The following CFAP46 variants were observed in gnomAD, a reference collection of about 807,000 sequenced individuals.
The protein encoded by CFAP46 is cilia and flagella associated protein 46.
A neutral mutation model predicts 325.7 loss-of-function variants in CFAP46; 245 were observed. That is an observed-to-expected ratio of 0.75 (90% confidence interval 0.68 to 0.84). The LOEUF (loss-of-function observed/expected upper bound fraction) is 0.84. Ranked by LOEUF, CFAP46 falls within the 40% of genes least tolerant of loss-of-function variation. CFAP46 has a pLI of 0.00. For synonymous variants in CFAP46, 1,523 were observed against 1,495.9 expected (o/e 1.02, Z -0.42); for missense variants, 3,346 against 3,543.0 (o/e 0.94, Z 1.41).
intron 55 of CFAP46, among the ~76,000 whole-genome samples, chr10:132,812,375 C>T (rs1010675155): frequency 2.0e-5 from 3 of 152,142 alleles, no homozygotes; most frequent in African/African-American, 4.8e-5. Context: ...AAGGGGAAGG[C>T]GAGGTCCCGA....
intron 44 of CFAP46, 64 bp downstream of exon 44, chr10:132,845,993 T>A: frequency 6.6e-7 from 1 of 1,524,204 alleles, no homozygotes; most frequent in Admixed American, 1.8e-5. Context: ...ACTGTGCGGC[T>A]GCAGTGTCTG....
At chr10:132,918,743 G>A (rs1473221543) in intron 15 of CFAP46, among the ~76,000 whole-genome samples, 1 of 152,126 alleles carries the variant, frequency 6.6e-6, no homozygotes, top group Non-Finnish European at 1.5e-5. Context: ...TCCCAGCCAG[G>A]GCTTGCTCTT....
chr10:132,933,772 G>A (rs955541759), intron 8 of CFAP46, among the ~76,000 whole-genome samples: 5 of 152,258 alleles, frequency 3.3e-5, no homozygotes, highest in Non-Finnish European at 7.3e-5. Context: ...CACTGATGAA[G>A]CAAGCTGTCC....
chr10:132,885,673 G>T, intron 26 of CFAP46, 148 bp downstream of exon 26: 1 of 757,662 alleles, frequency 1.3e-6, no homozygotes, highest in Non-Finnish European at 2.1e-6. Context: ...CAGGTGGTGG[G>T]GGGAGCACAC....
In CFAP46 at chr10:132,857,770, C is replaced by G. The variant is rs1416141629; in HGVS notation, c.5394G>C (p.Glu1798Asp). The stretch of plus-strand genomic sequence containing the variant: ...ACGCAGTTTTTTGTTCTTCATCTTT[C>G]TCGTTCTGGGCACGTAACCTTTATA... ...AKIKRLRAQN[E>D]KDEEQKTAYY... The change falls in exon 39 of 58, where the codon GAG (glutamate) becomes GAC (aspartate). Residue 1798 changes from glutamate (E) to aspartate (D), a missense_variant. By Grantham distance (45) the Glu-to-Asp change is conservative. Coordinates refer to ENST00000368586, the MANE Select transcript of CFAP46 (RefSeq NM_001200049.3). 1 of 1,561,024 alleles carries G rather than the reference C, an allele frequency of 6.4e-7. No homozygotes were observed. Among genetic ancestry groups the G allele is most frequent in the South Asian group, 1.2e-5 (1 of 85,000 alleles).
chr10:132,906,292 C>T (rs575208436), intron 22 of CFAP46, among the ~76,000 whole-genome samples: 74 of 152,368 alleles, frequency 4.9e-4, no homozygotes, highest in African/African-American at 1.7e-3. Flanking sequence ...CTCACCCCTG[C>T]CAAGGCAGTG....
rs763160110 is a variant in CFAP46, at chr10:132,814,852, C to T, written c.7180G>A (p.Gly2394Ser). The T allele has an allele frequency of 2.0e-5, 32 of 1,614,092 alleles. No individual in the cohort carries two copies. The highest frequency in any genetic ancestry group is 2.7e-5 in the Non-Finnish European group (32 of 1,180,030). The change falls in exon 51 of 58, where the codon GGC becomes AGC. Residue 2394 changes from glycine to serine, a missense_variant. Physicochemically the swap from Gly to Ser is moderately conservative, Grantham distance 56 (BLOSUM62 0). Coordinates refer to ENST00000368586, the MANE Select transcript of CFAP46 (RefSeq NM_001200049.3). ...CACAGGCCCCCACCCACCTTCCTGC[C>T]CTTCTTCGCTAGGCTTCTCTTTTTG... is the stretch of plus-strand genomic sequence containing the variant. ...DPKKRSLAKK[G>S]RKGSIPRTIP...
intron 50 of CFAP46, among the ~76,000 whole-genome samples, chr10:132,816,776 T>C (rs538051760): frequency 3.0e-4 from 46 of 152,342 alleles, no homozygotes; most frequent in African/African-American, 1.0e-3. Flanking sequence ...GATCATTTCA[T>C]GTCTTCTGAG....
intron 47 of CFAP46, 95 bp downstream of exon 47, chr10:132,835,209 G>A (rs376817844): frequency 1.4e-5 from 21 of 1,518,234 alleles, no homozygotes; most frequent in South Asian, 8.7e-5. Flanking sequence ...CTGGCCTAGC[G>A]CCCCGCCCCT....
chr10:132,820,269 C>G (rs951564679), intron 50 of CFAP46, among the ~76,000 whole-genome samples: 1 of 150,534 alleles, frequency 6.6e-6, no homozygotes, highest in Non-Finnish European at 1.5e-5. Flanking sequence ...AGGCCAGAGG[C>G]TGCATGATTC....
intron 50 of CFAP46, among the ~76,000 whole-genome samples, chr10:132,825,911 C>CG (rs1017254939): frequency 2.0e-5 from 3 of 152,086 alleles, no homozygotes; most frequent in African/African-American, 7.2e-5. Flanking sequence ...TGTCTGGTAA[C>CG]GGGGGGTGGG....
At chr10:132,835,775 A>G (rs572678682) in intron 46 of CFAP46, among the ~76,000 whole-genome samples, 2 of 151,992 alleles carry the variant, frequency 1.3e-5, no homozygotes, top group Non-Finnish European at 2.9e-5. Context: ...GTGGGCCTTC[A>G]GCTTCTGGAA....
chr10:132,884,479 G>C lies in CFAP46; in HGVS notation c.3627+624C>G, dbSNP rs1849092550. Among the ~76,000 whole-genome samples, 3 of 152,188 alleles carry C rather than the reference G, an allele frequency of 2.0e-5. No homozygotes were observed. Among genetic ancestry groups the C allele is most frequent in the African/African-American group, 4.8e-5 (2 of 41,442 alleles). ...TTAAGATCTTCACTAATGTTGAAAG[G>C]TTCATGCCTTTCACACCAGGGGCCT... On this transcript the variant is annotated intron_variant, in intron 27 of 57. Coordinates refer to ENST00000368586, the MANE Select transcript of CFAP46 (RefSeq NM_001200049.3). The surrounding 1 kb of genome is among the most constrained non-coding windows in gnomAD (Gnocchi z 5.4).
chr10:132,927,338 CCGGGGAGCAGG>C (rs1849826558), intron 9 of CFAP46, among the ~76,000 whole-genome samples: 5 of 152,046 alleles, frequency 3.3e-5, no homozygotes. Flanking sequence ...CGCCTCCGTC[CCGGGGAGCAGG>C]TCCTCGGCGG....
intron 41 of CFAP46, among the ~76,000 whole-genome samples, chr10:132,849,243 G>A (rs1321492800): frequency 6.6e-6 from 1 of 152,228 alleles, no homozygotes; most frequent in East Asian, 1.9e-4. Flanking sequence ...CCCGCTACCT[G>A]AGCAGGCCAA....
In CFAP46 at chr10:132,919,436, C is replaced by A; in HGVS notation, c.1737G>T (p.Gln579His). The A allele has an allele frequency of 6.5e-7, 1 of 1,548,424 alleles. No individual in the cohort carries two copies. The change falls in exon 15 of 58, where the codon CAG (glutamine) becomes CAT (histidine). Residue 579 changes from glutamine to histidine, a missense_variant. Transcript: ENST00000368586. The surrounding 1 kb of genome is among the most constrained non-coding windows in gnomAD (Gnocchi z 9.7). ...CCACTTTGGCCAGCTCTGCCCAAAT[C>A]TGTATCCTGCTCACCGAGAACCCAA... ...LGNENDKERIQIWAELAKVAR... is the reference protein window; with the variant it reads ...LGNENDKERIHIWAELAKVAR...
In CFAP46 at chr10:132,814,932, G is replaced by T; in HGVS notation, c.7118-18C>A. The T allele has an allele frequency of 6.2e-7, 1 of 1,613,794 alleles. No homozygotes were observed. The highest frequency in any genetic ancestry group is 8.5e-7 in the Non-Finnish European group (1 of 1,179,706). ...GCCACCTTCTGTTGAAGACAAGAAAGAGGCAGGGATGTTTGGCAGCAGCTC... is the reference window on the plus strand; with the variant it reads ...GCCACCTTCTGTTGAAGACAAGAAATAGGCAGGGATGTTTGGCAGCAGCTC... On this transcript the variant is annotated intron_variant, in intron 50 of 57. Transcript: ENST00000368586.
intron 24 of CFAP46, among the ~76,000 whole-genome samples, chr10:132,896,329 G>A (rs1703949625): frequency 6.6e-6 from 1 of 152,282 alleles, no homozygotes; most frequent in Non-Finnish European, 1.5e-5. Context: ...AGGCATCCAG[G>A]CATTGATGGC....
At chr10:132,824,633 G>C (rs1847995396) in intron 50 of CFAP46, among the ~76,000 whole-genome samples, 1 of 114,700 alleles carries the variant, frequency 8.7e-6, no homozygotes, top group Non-Finnish European at 1.8e-5. Flanking sequence ...TGTGCTGTGT[G>C]CTGATGTGTG....
Sources: allele counts gnomAD v4.1 joint callset (sites outside exome capture counted in the v4.1 genomes callset), GRCh38; gene constraint gnomAD v4.1.1; non-coding constraint Gnocchi (gnomAD v3.1); transcripts MANE v1.5; gene names NCBI Gene and HGNC (gene_info 2026-07-23, HGNC 2026-07-21).